The following TRERF1 variants were observed in gnomAD, a reference collection of about 807,000 sequenced individuals.
The protein encoded by TRERF1 is transcriptional-regulating factor 1.
In TRERF1, 27 loss-of-function variants were observed where a neutral mutation model predicts 122.9. That is an observed-to-expected ratio of 0.22 (90% confidence interval 0.16 to 0.30). The LOEUF (loss-of-function observed/expected upper bound fraction) is 0.30, where lower values mean the gene tolerates loss of function less well. Ranked by LOEUF, TRERF1 falls within the 10% of genes least tolerant of loss-of-function variation. TRERF1 has a pLI of 1.00. For synonymous variants in TRERF1, 636 were observed against 641.7 expected (o/e 0.99, Z 0.13); for missense variants, 1,248 against 1,560.3 (o/e 0.80, Z 3.37).
intron 2 of TRERF1, among the ~76,000 whole-genome samples, chr6:42,423,264 T>C (rs1783070973): frequency 6.6e-6 from 1 of 152,242 alleles, no homozygotes; most frequent in Non-Finnish European, 1.5e-5. Flanking sequence ...ACATGTTCCT[T>C]CTTTGTCCTT....
At chr6:42,349,139 A>G (rs1022331910) in intron 3 of TRERF1, among the ~76,000 whole-genome samples, 3 of 152,178 alleles carry the variant, frequency 2.0e-5, no homozygotes, top group Non-Finnish European at 4.4e-5. Context: ...TACTTTCCCA[A>G]GAGTCTTCTG....
chr6:42,273,167 C>A (rs749663585), intron 4 of TRERF1, among the ~76,000 whole-genome samples: 1 of 151,536 alleles, frequency 6.6e-6, no homozygotes, highest in East Asian at 1.9e-4. Flanking sequence ...TATATGTTCT[C>A]ATAAAACCAT....
intron 8 of TRERF1, among the ~76,000 whole-genome samples, chr6:42,262,716 A>T (rs1778438649): frequency 6.6e-6 from 1 of 152,186 alleles, no homozygotes; most frequent in African/African-American, 2.4e-5. Context: ...TCCTGAGATT[A>T]GGGGTGGGTG....
rs139706505 is a variant in TRERF1, at chr6:42,230,639, C to A, written c.3279-1970G>T. On this transcript the variant is annotated intron_variant, in intron 17 of 17. Transcript: ENST00000372922. ...CAATTAAAAAAGCCTTAAGATCAAT[C>A]CAGGGGCCCATTTCTTCCATGGTGC... Among the ~76,000 whole-genome samples the A allele has an allele frequency of 3.2e-3, 483 of 152,228 alleles. 3 individuals are homozygous for A. The highest frequency in any genetic ancestry group is 0.011 in the African/African-American group (450 of 41,528).
At chr6:42,404,215 A>G (rs1411435180) in intron 2 of TRERF1, among the ~76,000 whole-genome samples, 1 of 152,126 alleles carries the variant, frequency 6.6e-6, no homozygotes, top group Non-Finnish European at 1.5e-5. Context: ...ACATGTCAAA[A>G]GGTAATCTCA....
At chr6:42,255,697 A>G (rs754884266) in intron 12 of TRERF1, among the ~76,000 whole-genome samples, 3 of 152,246 alleles carry the variant, frequency 2.0e-5, no homozygotes, top group Non-Finnish European at 4.4e-5. Flanking sequence ...CCAGCATTCT[A>G]GGAAATACTT....
In TRERF1 at chr6:42,268,020, T is replaced by G; in HGVS notation, c.1437+134A>C. 20 of 1,070,650 alleles carry G rather than the reference T, an allele frequency of 1.9e-5. No individual in the cohort carries two copies. Among genetic ancestry groups the G allele is most frequent in the East Asian group, 2.8e-5 (1 of 35,516 alleles). 66.3% of individuals were successfully genotyped at this position (1,070,650 alleles called of 1,614,324 possible). Reference sequence around the variant, plus strand: ...CTTGGCACAGACAGTGCGTGACACATGTAGGTTAATGTTTGTGGAATTAGT... The same window carrying G: ...CTTGGCACAGACAGTGCGTGACACAGGTAGGTTAATGTTTGTGGAATTAGT... On this transcript the variant is annotated intron_variant, in intron 5 of 17. Coordinates refer to ENST00000372922, the Ensembl canonical transcript of TRERF1. This position sits in a 1 kb window ranked among gnomAD's most constrained non-coding sequence, Gnocchi z 4.4.
intron 3 of TRERF1, among the ~76,000 whole-genome samples, chr6:42,355,609 G>A (rs563394148): frequency 2.4e-4 from 36 of 152,242 alleles, no homozygotes; most frequent in African/African-American, 7.0e-4. Flanking sequence ...TATAACATAG[G>A]AATTATCTGT....
chr6:42,422,434 C>A (rs1033019200), intron 2 of TRERF1, among the ~76,000 whole-genome samples: 4 of 145,674 alleles, frequency 2.7e-5, no homozygotes, highest in Non-Finnish European at 5.9e-5. Flanking sequence ...GGGTGGATCA[C>A]TTGTGCCCAG....
intron 5 of TRERF1, 94 bp from the exon 6 acceptor site, chr6:42,265,891 C>T: frequency 7.7e-7 from 1 of 1,300,716 alleles, no homozygotes; most frequent in South Asian, 1.3e-5. Flanking sequence ...ACCAGGTACT[C>T]TTCCAGGACT....
At chr6:42,422,005 T>C (rs1322615349) in intron 2 of TRERF1, among the ~76,000 whole-genome samples, 1 of 148,232 alleles carries the variant, frequency 6.7e-6, no homozygotes, top group Non-Finnish European at 1.5e-5. Context: ...CTCTCTCTAC[T>C]AAAAATACAA....
At chr6:42,233,443 G>A (rs928154930) in intron 16 of TRERF1, among the ~76,000 whole-genome samples, 18 of 151,890 alleles carry the variant, frequency 1.2e-4, no homozygotes, top group Non-Finnish European at 2.2e-4. Context: ...CCGCCACCAC[G>A]CCTGGCTAAT....
chr6:42,261,216 C>T (rs992044811), intron 8 of TRERF1, among the ~76,000 whole-genome samples: 12 of 152,148 alleles, frequency 7.9e-5, no homozygotes, highest in Admixed American at 5.9e-4. Context: ...ACTCTGTTCC[C>T]GGGTAACAGA....
Position 42,430,769 on chromosome 6 carries a change from T to C in TRERF1, c.-454+20408A>G, listed in dbSNP as rs1784377891. On this transcript the variant is annotated intron_variant, in intron 2 of 17. Coordinates refer to ENST00000372922, the Ensembl canonical transcript of TRERF1. ...AAAATTAGCCAGGCGTGGTGGTGCA[T>C]GCCTATACTCCCAGCTACTTGGGAG... Among the ~76,000 whole-genome samples, 3 of 151,974 alleles carry C rather than the reference T, an allele frequency of 2.0e-5. No homozygotes were observed. The South Asian group carries it at 6.2e-4, about 31-fold the overall frequency.
chr6:42,416,450 A>C (rs1172667276), intron 2 of TRERF1, among the ~76,000 whole-genome samples: 1 of 152,192 alleles, frequency 6.6e-6, no homozygotes, highest in East Asian at 1.9e-4. Context: ...AAACCTTTTC[A>C]GCATCTTATT....
At chr6:42,370,868 G>C (rs777141540) in intron 2 of TRERF1, among the ~76,000 whole-genome samples, 5 of 152,158 alleles carry the variant, frequency 3.3e-5, no homozygotes, top group Non-Finnish European at 7.3e-5. Context: ...CCCTGAGGAG[G>C]ATCCACTATC....
Position 42,373,329 on chromosome 6 carries a change from T to TC in TRERF1, c.-453-10251dup, listed in dbSNP as rs563939409. Reference sequence around the variant, plus strand: ...GGGTGGATCACCTGAGGTGGGGAGTTCAAGACCAGCCTGACCAACATGGAG... The same window carrying TC: ...GGGTGGATCACCTGAGGTGGGGAGTTCCAAGACCAGCCTGACCAACATGGAG... On this transcript the variant is annotated intron_variant, in intron 2 of 17. Transcript: ENST00000372922. Among the ~76,000 whole-genome samples the TC allele has an allele frequency of 4.8e-3, 730 of 151,542 alleles. 7 individuals carry two copies. Among genetic ancestry groups the TC allele is most frequent in the African/African-American group, 0.017 (703 of 41,254 alleles).
intron 6 of TRERF1, 123 bp from the exon 7 acceptor site, chr6:42,264,977 T>C (rs374588231): frequency 1.9e-6 from 2 of 1,062,362 alleles, no homozygotes; most frequent in African/African-American, 1.6e-5. Context: ...CCATTGTCCA[T>C]GGCACCACTT....
intron 2 of TRERF1, among the ~76,000 whole-genome samples, chr6:42,394,137 G>A (rs143474081): frequency 4.8e-4 from 73 of 152,162 alleles, no homozygotes; most frequent in Admixed American, 1.6e-3. Context: ...GTGAGGTAAC[G>A]CCCAGGAAGA....
Sources: gnomAD v4.1 joint callset for allele counts (sites outside exome capture counted in the v4.1 genomes callset) on GRCh38, gnomAD v4.1.1 for gene constraint, Gnocchi (gnomAD v3.1) non-coding constraint, MANE v1.5 for transcripts, NCBI Gene and HGNC (gene_info 2026-07-23, HGNC 2026-07-21) for gene names.